Variants in NBEA observed in about 807,000 individuals in gnomAD.
The protein encoded by NBEA is neurobeachin.
A neutral mutation model predicts 343.4 loss-of-function variants in NBEA; 44 were observed. The observed-to-expected ratio is 0.13, with a 90% CI of 0.10 to 0.16. The LOEUF is 0.16. Ranked by LOEUF, NBEA falls within the 10% of genes least tolerant of loss-of-function variation. The pLI, the probability that NBEA is intolerant of heterozygous loss-of-function variation, is 1.00. For missense variants in NBEA, 2,555 were observed against 3,631.3 expected, an observed-to-expected ratio of 0.70 and a Z score of 7.62; for synonymous variants, 1,175 against 1,238.7, an observed-to-expected ratio of 0.95 and a Z score of 1.08.
intron 38 of NBEA, among the ~76,000 whole-genome samples, chr13:35,412,027 C>G (rs1299747581): frequency 6.6e-6 from 1 of 151,930 alleles, no homozygotes; most frequent in Non-Finnish European, 1.5e-5. Flanking sequence ...GATGTCTTAC[C>G]CTTCTTAGTG....
intron 38 of NBEA, among the ~76,000 whole-genome samples, chr13:35,401,147 T>G (rs1358288237): frequency 6.6e-6 from 1 of 152,018 alleles, no homozygotes; most frequent in African/African-American, 2.4e-5. Context: ...CTTACTAATA[T>G]TTATTGTATT....
intron 24 of NBEA, 99 bp downstream of exon 24, chr13:35,164,608 G>A: frequency 7.9e-7 from 1 of 1,263,468 alleles, no homozygotes; most frequent in Non-Finnish European, 1.1e-6. Flanking sequence ...AACCAGACCT[G>A]TACTTTTTAG....
At chr13:35,198,893 C>T (rs767542281) in intron 31 of NBEA, among the ~76,000 whole-genome samples, 21 of 151,620 alleles carry the variant, frequency 1.4e-4, no homozygotes, top group African/African-American at 2.9e-4. Flanking sequence ...TGAGTTGCCA[C>T]GGCAAAGAGT....
intron 17 of NBEA, among the ~76,000 whole-genome samples, chr13:35,133,128 G>A (rs2067516011): frequency 1.3e-5 from 2 of 151,958 alleles, no homozygotes; most frequent in African/African-American, 4.8e-5. Flanking sequence ...CAGTGGATTT[G>A]TATCCTAAAC....
At chr13:35,346,213 T>TC (rs1437601423) in intron 36 of NBEA, among the ~76,000 whole-genome samples, 12 of 152,224 alleles carry the variant, frequency 7.9e-5, no homozygotes, top group Admixed American at 1.3e-4. Flanking sequence ...CATGTACCCT[T>TC]CCCTTCCTGC....
intron 51 of NBEA, 39 bp from the exon 52 acceptor site, chr13:35,649,616 T>C (rs1412439465): frequency 6.5e-7 from 1 of 1,533,628 alleles, no homozygotes; most frequent in Non-Finnish European, 9.0e-7. Flanking sequence ...ATGTTATTCC[T>C]TTTGTCTTCC....
intron 11 of NBEA, among the ~76,000 whole-genome samples, chr13:35,102,268 T>C (rs563467378): frequency 6.6e-6 from 1 of 151,924 alleles, no homozygotes; most frequent in East Asian, 1.9e-4. Context: ...CATGTATGAC[T>C]GGGATTTTTT....
intron 41 of NBEA, 145 bp from the exon 42 acceptor site, chr13:35,550,332 A>C (rs1566305965): frequency 2.3e-5 from 12 of 529,404 alleles, no homozygotes; most frequent in Non-Finnish European, 3.6e-5. Context: ...GAAATTTTGC[A>C]AATACACAGT....
chr13:35,311,793 G>A (rs953376595), intron 36 of NBEA, among the ~76,000 whole-genome samples: 1 of 152,136 alleles, frequency 6.6e-6, no homozygotes, highest in African/African-American at 2.4e-5. Flanking sequence ...GGTGGAGGTT[G>A]CAGTGAGCCA....
rs767014675 is a variant in NBEA, at chr13:35,208,868, A to G, written c.5521+14A>G. 3 of 1,497,992 alleles carry G rather than the reference A, an allele frequency of 2.0e-6. No homozygotes were observed. Among genetic ancestry groups the G allele is most frequent in the East Asian group, 2.4e-5 (1 of 41,166 alleles). 92.8% of individuals were successfully genotyped at this position (1,497,992 alleles called of 1,614,324 possible). On this transcript the variant is annotated intron_variant, in intron 32 of 58. Coordinates refer to ENST00000379939, the MANE Select transcript of NBEA (RefSeq NM_001385012.1). Reference sequence around the variant, plus strand: ...TTAATACAACAGGTATTGTACTTACATATTTTTGTGATACTCATCTTTTTA... The same window carrying G: ...TTAATACAACAGGTATTGTACTTACGTATTTTTGTGATACTCATCTTTTTA...
intron 41 of NBEA, among the ~76,000 whole-genome samples, chr13:35,521,595 C>G (rs4941813): frequency 0.6 from 91,943 of 152,046 alleles, 29,934 homozygotes; most frequent in Non-Finnish European, 0.73. Flanking sequence ...CGTTGTTTCT[C>G]CTCACAGATA....
chr13:35,298,223 A>G (rs879704126), intron 35 of NBEA, among the ~76,000 whole-genome samples: 31,619 of 115,278 alleles, frequency 0.27, 4,404 homozygotes, highest in South Asian at 0.36. Flanking sequence ...ATATATATAT[A>G]TATATATATA....
At chr13:35,373,756 A>G (rs1295658653) in intron 38 of NBEA, among the ~76,000 whole-genome samples, 1 of 151,918 alleles carries the variant, frequency 6.6e-6, no homozygotes, top group Non-Finnish European at 1.5e-5. Context: ...GAGAAAATAT[A>G]TTTATTACAA....
At chr13:34,996,712 A>G (rs755659246) in intron 1 of NBEA, among the ~76,000 whole-genome samples, 2 of 152,032 alleles carry the variant, frequency 1.3e-5, no homozygotes, top group Non-Finnish European at 2.9e-5. Context: ...ATTTCTGAAC[A>G]TGAGTTGTAC....
chr13:35,534,494 A>G (rs2078432534), intron 41 of NBEA, among the ~76,000 whole-genome samples: 1 of 152,180 alleles, frequency 6.6e-6, no homozygotes. Context: ...ATGGCATCAC[A>G]TTCCTCATTA....
At position 35,079,651 on chromosome 13, in the gene NBEA, G is replaced by A. The variant is rs1301628339; in HGVS notation, c.1571+8799G>A. Reference sequence around the variant, plus strand: ...AAATGTGGCTATTTTGTCCCATATAGAATGCATGGATGGTATCTTTTTACC... The same window carrying A: ...AAATGTGGCTATTTTGTCCCATATAAAATGCATGGATGGTATCTTTTTACC... On this transcript the variant is annotated intron_variant, in intron 10 of 58. Coordinates refer to ENST00000379939, the MANE Select transcript of NBEA (RefSeq NM_001385012.1). Among the ~76,000 whole-genome samples the A allele has an allele frequency of 2.0e-5, 3 of 152,106 alleles. No homozygotes were observed. The East Asian group carries it at 5.8e-4, about 29-fold the overall frequency.
At chr13:35,276,901 A>T (rs539025713) in intron 34 of NBEA, among the ~76,000 whole-genome samples, 4 of 152,186 alleles carry the variant, frequency 2.6e-5, no homozygotes, top group Non-Finnish European at 4.4e-5. Flanking sequence ...AATATAAAAT[A>T]GATTATACAT....
chr13:35,338,194 C>A (rs2039377578), intron 36 of NBEA, among the ~76,000 whole-genome samples: 1 of 150,156 alleles, frequency 6.7e-6, no homozygotes, highest in South Asian at 2.1e-4. Context: ...AAAAGACCAA[C>A]AAAATTGAAA....
chr13:35,471,030 G>T (rs1329600987), intron 40 of NBEA, among the ~76,000 whole-genome samples: 1 of 152,164 alleles, frequency 6.6e-6, no homozygotes, highest in Non-Finnish European at 1.5e-5. Flanking sequence ...CTCATCGGGG[G>T]ATCGAGAGCA....
Sources: allele counts gnomAD v4.1 joint callset (sites outside exome capture counted in the v4.1 genomes callset), GRCh38; gene constraint gnomAD v4.1.1; transcripts MANE v1.5; gene names NCBI Gene and HGNC (gene_info 2026-07-23, HGNC 2026-07-21).